PKHD1: variants seen among roughly 807,000 people sequenced by gnomAD.
PKHD1 encodes the protein PKHD1 ciliary IPT domain containing fibrocystin/polyductin, also known as fibrocystin.
Under a neutral mutation model 412.0 loss-of-function variants are expected in PKHD1, and 291 were observed. The observed-to-expected ratio is 0.71, with a 90% confidence interval of 0.64 to 0.78. The LOEUF (loss-of-function observed/expected upper bound fraction) is 0.78, where lower values mean the gene tolerates loss of function less well. Ranked by LOEUF, PKHD1 falls within the 30% of genes least tolerant of loss-of-function variation. PKHD1 has a pLI of 0.00. For missense variants in PKHD1, 4,825 were observed against 4,950.7 expected (o/e 0.97, Z 0.76); for synonymous variants, 1,777 against 1,821.5 (o/e 0.98, Z 0.62).
chr6:51,883,149 TTTCCAAGACGTCAA>T lies in PKHD1; in HGVS notation c.7280_7293del (p.Ile2427LysfsTer2). On this transcript the variant is annotated frameshift_variant, in exon 46 of 67. Coordinates refer to ENST00000371117, the MANE Select transcript of PKHD1 (RefSeq NM_138694.4). LOFTEE classifies it high-confidence loss of function. ...TCAGTAACTGAAGTATTTGCATCAC[TTTCCAAGACGTCAA>T]TTCCAAAATCTCTGCATGAATAAAC... 6.2e-7 allele frequency: 1 copy of T among 1,612,724 alleles called. No homozygotes were observed. Among genetic ancestry groups the T allele is most frequent in the Non-Finnish European group, 8.5e-7 (1 of 1,178,750 alleles).
At chr6:51,986,424 T>C (rs1016263755) in intron 35 of PKHD1, among the ~76,000 whole-genome samples, 6 of 152,104 alleles carry the variant, frequency 3.9e-5, no homozygotes, top group South Asian at 2.1e-4. Context: ...TAGAAGGAAG[T>C]AGGGGCTACT....
At chr6:51,948,566 C>T (rs1030949241) in intron 36 of PKHD1, among the ~76,000 whole-genome samples, 3 of 152,142 alleles carry the variant, frequency 2.0e-5, no homozygotes, top group African/African-American at 4.8e-5. Flanking sequence ...GAAGTAAACA[C>T]CATGAGAGCA....
intron 65 of PKHD1, among the ~76,000 whole-genome samples, chr6:51,627,680 C>T (rs1026438536): frequency 6.6e-6 from 1 of 152,042 alleles, no homozygotes; most frequent in Non-Finnish European, 1.5e-5. Flanking sequence ...TTCACCCAGC[C>T]TTCTCCATTG....
Position 51,874,804 on chromosome 6 carries a change from G to C in PKHD1, c.7351-4165C>G, listed in dbSNP as rs1282398920. On this transcript the variant is annotated intron_variant, in intron 46 of 66. Coordinates refer to ENST00000371117, the MANE Select transcript of PKHD1 (RefSeq NM_138694.4). ...TGAGCTCCGGTCTACAGCTCCCAGCGTGAGCGACGCAGAAGACGGGTGATT... is the reference window on the plus strand; with the variant it reads ...TGAGCTCCGGTCTACAGCTCCCAGCCTGAGCGACGCAGAAGACGGGTGATT... Among the ~76,000 whole-genome samples, 15 of 89,116 alleles carry C rather than the reference G, an allele frequency of 1.7e-4. 5 individuals carry two copies. Among genetic ancestry groups the C allele is most frequent in the Admixed American group, 1.0e-3 (7 of 6,826 alleles). The allele number at this position is 89,116 out of a possible 152,430, so 58.5% of individuals were successfully genotyped here.
intron 60 of PKHD1, among the ~76,000 whole-genome samples, chr6:51,696,293 A>G (rs1259249728): frequency 6.6e-6 from 1 of 152,170 alleles, no homozygotes; most frequent in Non-Finnish European, 1.5e-5. Context: ...TCAGCAGAGA[A>G]TGGTAGCTGA....
intron 52 of PKHD1, among the ~76,000 whole-genome samples, chr6:51,824,986 T>C (rs1282910652): frequency 6.6e-6 from 1 of 152,144 alleles, no homozygotes. Context: ...TAAAATAAAA[T>C]AAAGAAACTA....
intron 37 of PKHD1, among the ~76,000 whole-genome samples, chr6:51,922,556 A>G (rs1315567945): frequency 1.3e-5 from 2 of 152,250 alleles, no homozygotes; most frequent in East Asian, 3.9e-4. Context: ...GGTAGAGTCT[A>G]CAGAGGCAGG....
At chr6:51,857,777 A>G (rs934200411) in intron 48 of PKHD1, among the ~76,000 whole-genome samples, 3 of 152,232 alleles carry the variant, frequency 2.0e-5, no homozygotes, top group Admixed American at 6.5e-5. Flanking sequence ...TCCATGGTAC[A>G]GATCATTGAC....
chr6:51,618,391 A>G lies in PKHD1; in HGVS notation c.*690T>C, dbSNP rs1766235547. 1 of 152,260 alleles carries G rather than the reference A, an allele frequency of 6.6e-6. No homozygotes were observed. The highest frequency in any genetic ancestry group is 2.4e-5 in the African/African-American group (1 of 41,422). 9.4% of individuals were successfully genotyped at this position (152,260 alleles called of 1,614,324 possible). On this transcript the variant is annotated 3_prime_UTR_variant, in exon 67 of 67. Transcript: ENST00000371117. ...CCTTTCCCAAATTTGGCATTTTTAC[A>G]TCTTTGTCCTTAACTAAACTCTCAG...
At position 51,748,037 on chromosome 6, in the gene PKHD1, G is replaced by C; in HGVS notation, c.9579C>G (p.Val3193=). 6.2e-7 allele frequency: 1 copy of C among 1,614,062 alleles called. No individual in the cohort carries two copies. Among genetic ancestry groups the C allele is most frequent in the Non-Finnish European group, 8.5e-7 (1 of 1,179,976 alleles). The change falls in exon 58 of 67, where the codon GTC becomes GTG. Residue 3193 remains valine, a synonymous_variant. Transcript: ENST00000371117. The stretch of plus-strand genomic sequence containing the variant: ...TCCTAAGCACAATCTGCACTTTTTT[G>C]ACGGAATTTTGTGGAGCAGAAAATA... ...VYVFSAPQNS[V]KKVQIVLRNS...
intron 52 of PKHD1, among the ~76,000 whole-genome samples, chr6:51,829,597 G>A (rs1319799054): frequency 6.6e-6 from 1 of 152,112 alleles, no homozygotes; most frequent in East Asian, 1.9e-4. Context: ...AAGAGAGGTG[G>A]TTTACTGGGA....
chr6:52,030,320 G>GAA (rs1802851080), intron 29 of PKHD1, among the ~76,000 whole-genome samples: 1 of 152,078 alleles, frequency 6.6e-6, no homozygotes, highest in Admixed American at 6.5e-5. Context: ...CAATAACATG[G>GAA]TTAATAAAGC....
At chr6:52,075,781 G>A (rs1386229242) in intron 6 of PKHD1, among the ~76,000 whole-genome samples, 1 of 152,154 alleles carries the variant, frequency 6.6e-6, no homozygotes, top group Non-Finnish European at 1.5e-5. Context: ...CTCAGCTGTG[G>A]TATTTAGTAT....
intron 10 of PKHD1, 128 bp from the exon 11 acceptor site, chr6:52,069,655 C>T: frequency 1.3e-6 from 1 of 776,610 alleles, no homozygotes; most frequent in South Asian, 1.4e-5. Flanking sequence ...GAAATAGCAG[C>T]TCCCTTGGAT....
intron 53 of PKHD1, among the ~76,000 whole-genome samples, chr6:51,784,284 A>G (rs1333982860): frequency 6.6e-6 from 1 of 152,174 alleles, no homozygotes; most frequent in Non-Finnish European, 1.5e-5. Context: ...TTAAATAATA[A>G]AGGTAGTCCT....
At chr6:52,074,171 G>A (rs1811031773) in intron 6 of PKHD1, among the ~76,000 whole-genome samples, 1 of 152,222 alleles carries the variant, frequency 6.6e-6, no homozygotes, top group Non-Finnish European at 1.5e-5. Context: ...AAAGCATACT[G>A]AGGGACTCAT....
At chr6:51,796,402 TATTA>T (rs544183364) in intron 52 of PKHD1, among the ~76,000 whole-genome samples, 187 of 150,928 alleles carry the variant, frequency 1.2e-3, no homozygotes, top group Middle Eastern at 3.4e-3. Flanking sequence ...CTTTCTTCTT[TATTA>T]ATCTAGCTAG....
At chr6:52,035,121 T>C (rs1803731583) in intron 28 of PKHD1, among the ~76,000 whole-genome samples, 1 of 152,138 alleles carries the variant, frequency 6.6e-6, no homozygotes, top group African/African-American at 2.4e-5. Flanking sequence ...AAGGAAGCAA[T>C]GGAGAATAAC....
chr6:51,767,469 C>G (rs1232046606), intron 55 of PKHD1, among the ~76,000 whole-genome samples: 1 of 152,060 alleles, frequency 6.6e-6, no homozygotes, highest in South Asian at 2.1e-4. Context: ...CTCCCCGCTC[C>G]CCTCACCCCA....
Sources: allele counts gnomAD v4.1 joint callset (sites outside exome capture counted in the v4.1 genomes callset), GRCh38; gene constraint gnomAD v4.1.1; transcripts MANE v1.5; gene names NCBI Gene and HGNC (gene_info 2026-07-23, HGNC 2026-07-21).